TIPIN: variants seen among roughly 807,000 people sequenced by gnomAD.
TIPIN encodes TIMELESS interacting protein.
A neutral mutation model predicts 35.6 loss-of-function variants in TIPIN; 29 were observed. That is an observed-to-expected ratio of 0.82 (90% CI 0.61 to 1.11). The LOEUF is 1.11. Among genes scored for constraint, TIPIN ranks in the 50% most tolerant of loss-of-function variants. The pLI is 0.00. For synonymous variants in TIPIN, 102 were observed against 121.5 expected (o/e 0.84, Z 1.06); for missense variants, 296 against 345.4 (o/e 0.86, Z 1.13).
At chr15:66,383,361 C>T (rs2093324940) in intron 1 of TIPIN, among the ~76,000 whole-genome samples, 1 of 151,302 alleles carries the variant, frequency 6.6e-6, no homozygotes, top group African/African-American at 2.4e-5. Context: ...CTCCTGGGTT[C>T]AAGTGATTCT....
chr15:66,383,515 C>CA, intron 1 of TIPIN: 1 of 873,344 alleles, frequency 1.1e-6, no homozygotes, highest in Non-Finnish European at 1.4e-6. Context: ...CCTCCCACCT[C>CA]AGCCTCCCAA....
At position 66,380,418 on chromosome 15, in the gene TIPIN, T is replaced by C. The variant is rs111702911; in HGVS notation, c.-9+6189A>G. Among the ~76,000 whole-genome samples, 109 of 152,348 alleles carry C rather than the reference T, an allele frequency of 7.2e-4. 2 individuals carry two copies. Among genetic ancestry groups the C allele is most frequent in the Middle Eastern group, 3.4e-3 (1 of 294 alleles). ...TTCCCAGATACCTATTATGTTCTAT[T>C]GGTTTTTACCAAAAATAGTTGTGTC... On this transcript the variant is annotated intron_variant, in intron 1 of 7. Coordinates refer to the TIPIN transcript ENST00000562124.
Position 66,336,977 on chromosome 15 carries a change from T to G in TIPIN, c.887A>C (p.Asn296Thr). ...VQQQLDATSR[N>T]ITEAR ...GGAAACTTATCTAGCTTCAGTAATA[T>G]TTCTGGATGTAGCATCAAGTTGCTG... The change falls in exon 8 of 8, where the codon AAT becomes ACT. Residue 296 changes from asparagine to threonine, a missense_variant. By Grantham distance (65) the Asn-to-Thr change is moderately conservative (BLOSUM62 0). Coordinates refer to ENST00000261881, the MANE Select transcript of TIPIN (RefSeq NM_017858.3). The G allele has an allele frequency of 6.2e-7, 1 of 1,612,000 alleles. No individual in the cohort carries two copies. The highest frequency in any genetic ancestry group is 8.5e-7 in the Non-Finnish European group (1 of 1,178,432).
intron 1 of TIPIN, among the ~76,000 whole-genome samples, chr15:66,378,715 C>CCTTT (rs980345003): frequency 6.6e-6 from 1 of 150,782 alleles, no homozygotes; most frequent in Non-Finnish European, 1.5e-5. Context: ...TATGATTTCA[C>CCTTT]CTTTCTTTCT....
In TIPIN at chr15:66,336,698, G is replaced by C; in HGVS notation, c.*260C>G. 3 of 410,060 alleles carry C rather than the reference G, an allele frequency of 7.3e-6. No homozygotes were observed. In the South Asian group the frequency reaches 9.3e-5, roughly 13 times the overall value. 25.4% of individuals were successfully genotyped at this position (410,060 alleles called of 1,614,324 possible). A position where few individuals can be genotyped will look rare whatever the true frequency, so the allele number is the denominator to read the frequency against. Reference sequence around the variant, plus strand: ...AGTGAAAACAAGGCATTCAATGACAGACCAGCAGCAGAAACTGCTTATTAC... The same window carrying C: ...AGTGAAAACAAGGCATTCAATGACACACCAGCAGCAGAAACTGCTTATTAC... On this transcript the variant is annotated 3_prime_UTR_variant, in exon 8 of 8. Coordinates refer to ENST00000261881, the MANE Select transcript of TIPIN (RefSeq NM_017858.3).
Position 66,355,591 on chromosome 15 carries a change from T to C in TIPIN, c.-9+1048A>G, listed in dbSNP as rs1296265564. 8.6e-5 allele frequency among the ~76,000 whole-genome samples: 13 copies of C among 150,850 alleles called. 1 individual carries two copies. In the East Asian group the frequency reaches 2.6e-3, roughly 30 times the overall value. On this transcript the variant is annotated intron_variant, in intron 1 of 7. Transcript: ENST00000261881. ...AGTGAAACCCCATCTCTACTAAAAA[T>C]ACAAAAAAAATTAGCGGGGCGTGGT...
upstream of TIPIN, among the ~76,000 whole-genome samples, chr15:66,360,729 G>A (rs1435615727): frequency 6.6e-6 from 1 of 152,174 alleles, no homozygotes; most frequent in Non-Finnish European, 1.5e-5. Context: ...CACTTTGGGA[G>A]CCCAAGGTAG....
chr15:66,337,716 G>A (rs1197157675), intron 7 of TIPIN, among the ~76,000 whole-genome samples: 1 of 150,882 alleles, frequency 6.6e-6, no homozygotes, highest in Non-Finnish European at 1.5e-5. Flanking sequence ...GAGCTCAGGA[G>A]TTCAGGACCA....
intron 1 of TIPIN, among the ~76,000 whole-genome samples, chr15:66,375,499 TTATATATATATATATA>T (rs71139487): frequency 7.5e-6 from 1 of 132,840 alleles, no homozygotes; most frequent in Non-Finnish European, 1.6e-5. Flanking sequence ...ATTGGAAAAG[TTATATATATATATATA>T]TATATATATA....
intron 4 of TIPIN, among the ~76,000 whole-genome samples, chr15:66,350,540 G>A (rs1168831990): frequency 6.6e-6 from 1 of 151,780 alleles, no homozygotes; most frequent in Admixed American, 6.6e-5. Context: ...AAGCGGCGGA[G>A]GTTGCAGTGA....
Position 66,363,072 on chromosome 15 carries a change from G to A in TIPIN, c.-8-10117C>T, listed in dbSNP as rs117593124. On this transcript the variant is annotated intron_variant, in intron 1 of 7. Coordinates refer to the TIPIN transcript ENST00000562124. ...ATCAGTTCAGCTGCAAATGATGGGG[G>A]GAAGATCCCAAAAACTAAATAGAGA... 5.4e-4 allele frequency among the ~76,000 whole-genome samples: 82 copies of A among 152,292 alleles called. No homozygotes were observed. The East Asian group carries it at 0.014, about 26-fold the overall frequency.
chr15:66,369,884 A>G (rs1042325497), intron 1 of TIPIN, among the ~76,000 whole-genome samples: 1 of 152,146 alleles, frequency 6.6e-6, no homozygotes, highest in African/African-American at 2.4e-5. Flanking sequence ...CTCATTTTAA[A>G]TTTCCTGCTT....
chr15:66,337,812 C>G (rs1202257145), intron 7 of TIPIN, among the ~76,000 whole-genome samples: 1 of 150,676 alleles, frequency 6.6e-6, no homozygotes, highest in Non-Finnish European at 1.5e-5. Flanking sequence ...GCTATGGTGG[C>G]GAACCATGAT....
At chr15:66,380,523 T>C (rs1355437278) in intron 1 of TIPIN, among the ~76,000 whole-genome samples, 3 of 151,982 alleles carry the variant, frequency 2.0e-5, no homozygotes, top group Admixed American at 2.0e-4. Flanking sequence ...GACAAAACAA[T>C]AGAGATCTGG....
At chr15:66,382,079 C>A (rs2093320729) in intron 1 of TIPIN, among the ~76,000 whole-genome samples, 1 of 151,640 alleles carries the variant, frequency 6.6e-6, no homozygotes, top group African/African-American at 2.4e-5. Flanking sequence ...AAAAATTATT[C>A]TTCTAGCAGA....
At chr15:66,344,565 T>A (rs1412433412) in intron 6 of TIPIN, among the ~76,000 whole-genome samples, 1 of 151,844 alleles carries the variant, frequency 6.6e-6, no homozygotes, top group Non-Finnish European at 1.5e-5. Context: ...AAAATGAGAT[T>A]TAAAGCTGGG....
At chr15:66,377,661 GT>G (rs35845765) in intron 1 of TIPIN, among the ~76,000 whole-genome samples, 5 of 150,222 alleles carry the variant, frequency 3.3e-5, no homozygotes, top group African/African-American at 9.8e-5. Flanking sequence ...CAGCGCCTGG[GT>G]TTTTTTTTGT....
chr15:66,341,412 T>C, intron 6 of TIPIN, 56 bp from the exon 7 acceptor site: 1 of 1,478,044 alleles, frequency 6.8e-7, no homozygotes, highest in South Asian at 1.3e-5. Flanking sequence ...GAGAAGGGCT[T>C]CTCATTGAAA....
rs111242089 is a variant in TIPIN, at chr15:66,379,612, T to C, written c.-9+6995A>G. ...GACCCATTCTCCGGGATAACGACGA[T>C]GATGGGGAAGTAAGCATACACAGAC... On this transcript the variant is annotated intron_variant, in intron 1 of 7. Transcript: ENST00000562124. 3,274 of 1,610,190 alleles carry C rather than the reference T, an allele frequency of 2.0e-3. 64 individuals carry two copies. The African/African-American group carries it at 0.04, about 20-fold the overall frequency.
Sources: gnomAD v4.1 joint callset for allele counts (sites outside exome capture counted in the v4.1 genomes callset) on GRCh38, gnomAD v4.1.1 for gene constraint, MANE v1.5 for transcripts, NCBI Gene and HGNC (gene_info 2026-07-23, HGNC 2026-07-21) for gene names.